Variants in ZBTB16 observed in about 807,000 individuals in gnomAD.
The protein encoded by ZBTB16 is zinc finger and BTB domain-containing protein 16.
Under a neutral mutation model 56.8 loss-of-function variants are expected in ZBTB16, and 8 were observed. The ratio of observed to expected loss-of-function variants is 0.14; its 90% CI spans 0.08 to 0.25. ZBTB16 has a LOEUF of 0.25. ZBTB16 is among the 10% of genes least tolerant of loss of function. The pLI is 1.00. For synonymous variants in ZBTB16, 363 were observed against 368.5 expected (o/e 0.98, Z 0.17); for missense variants, 625 against 903.0 (o/e 0.69, Z 3.95).
At chr11:114,229,023 G>A (rs964361822) in intron 4 of ZBTB16, among the ~76,000 whole-genome samples, 11 of 152,196 alleles carry the variant, frequency 7.2e-5, no homozygotes, top group Non-Finnish European at 1.5e-5. Flanking sequence ...TGAGTAAGGA[G>A]TCTTTCAGTA....
intron 2 of ZBTB16, among the ~76,000 whole-genome samples, chr11:114,086,688 T>C (rs1939967474): frequency 6.6e-6 from 1 of 152,174 alleles, no homozygotes; most frequent in South Asian, 2.1e-4. Flanking sequence ...AGGTGAATCC[T>C]ATTAAAAGGA....
intron 2 of ZBTB16, among the ~76,000 whole-genome samples, chr11:114,066,766 A>G (rs1010423612): frequency 8.9e-6 from 1 of 111,830 alleles, no homozygotes; most frequent in East Asian, 2.8e-4. Flanking sequence ...TTCACTCACT[A>G]CATTTTTTTT....
At chr11:114,107,427 T>C (rs951818342) in intron 2 of ZBTB16, among the ~76,000 whole-genome samples, 5 of 152,202 alleles carry the variant, frequency 3.3e-5, no homozygotes, top group African/African-American at 1.2e-4. Context: ...AGTGATGAAA[T>C]GCTTGGTTGT....
chr11:114,170,006 C>T (rs1942912191), intron 3 of ZBTB16, among the ~76,000 whole-genome samples: 2 of 152,196 alleles, frequency 1.3e-5, no homozygotes, highest in South Asian at 4.1e-4. Flanking sequence ...GTTTCTTGCA[C>T]TTGGGAGTCC....
rs563400839 is a variant in ZBTB16 at position 114,175,977 on chromosome 11, G to C, written c.1367-10975G>C. 7.0e-3 allele frequency among the ~76,000 whole-genome samples: 918 copies of C among 131,010 alleles called. 11 individuals carry two copies. The highest frequency in any genetic ancestry group is 0.027 in the African/African-American group (869 of 32,440). The allele number at this position is 131,010 out of a possible 152,430, so 85.9% of individuals were successfully genotyped here. Reference sequence around the variant, plus strand: ...ATTGTGAATCCTACTCAGGGGAGAGGGGTGTGTGTGTGTGTGTGTGTGTGC... The same window carrying C: ...ATTGTGAATCCTACTCAGGGGAGAGCGGTGTGTGTGTGTGTGTGTGTGTGC... On this transcript the variant is annotated intron_variant, in intron 3 of 6. Coordinates refer to ENST00000335953, the MANE Select transcript of ZBTB16 (RefSeq NM_006006.6).
chr11:114,242,517 C>T (rs553026915), intron 5 of ZBTB16, among the ~76,000 whole-genome samples, 180 bp downstream of exon 5: 2 of 152,210 alleles, frequency 1.3e-5, no homozygotes, highest in African/African-American at 4.8e-5. Flanking sequence ...CCAGTCCCCT[C>T]CTGTGGACCG....
At chr11:114,172,423 T>C (rs1308733647) in intron 3 of ZBTB16, among the ~76,000 whole-genome samples, 1 of 152,150 alleles carries the variant, frequency 6.6e-6, no homozygotes, top group Non-Finnish European at 1.5e-5. Flanking sequence ...ACAAGACCCA[T>C]TTCAAGTTGG....
At chr11:114,216,023 G>T (rs950854754) in intron 4 of ZBTB16, among the ~76,000 whole-genome samples, 1 of 152,148 alleles carries the variant, frequency 6.6e-6, no homozygotes, top group Non-Finnish European at 1.5e-5. Flanking sequence ...GATGAAGGAA[G>T]GCCAAGATAA....
At chr11:114,120,922 TA>T (rs539848321) in intron 2 of ZBTB16, among the ~76,000 whole-genome samples, 2 of 152,164 alleles carry the variant, frequency 1.3e-5, no homozygotes, top group Non-Finnish European at 2.9e-5. Flanking sequence ...TGGGAAGCCA[TA>T]CAGCCTTGGC....
intron 4 of ZBTB16, 151 bp from the exon 5 acceptor site, chr11:114,242,016 A>G (rs901261937): frequency 4.0e-6 from 4 of 1,011,310 alleles, no homozygotes; most frequent in South Asian, 2.8e-5. Flanking sequence ...CTGGGTGCTC[A>G]GTGTTGCATA....
chr11:114,191,778 G>A (rs746591245), intron 4 of ZBTB16, among the ~76,000 whole-genome samples: 14 of 152,202 alleles, frequency 9.2e-5, no homozygotes, highest in African/African-American at 1.7e-4. Flanking sequence ...ATGCATGCAC[G>A]CACATATACA....
chr11:114,233,081 G>GCGCGCA (rs1250341636), intron 4 of ZBTB16, among the ~76,000 whole-genome samples: 46 of 87,556 alleles, frequency 5.3e-4, no homozygotes, highest in African/African-American at 1.6e-3. Context: ...GCGCGCGCGC[G>GCGCGCA]CACACACACA....
At chr11:114,249,457 CAAAAAAAAA>C (rs57092004) in intron 6 of ZBTB16, among the ~76,000 whole-genome samples, 7 of 24,198 alleles carry the variant, frequency 2.9e-4, no homozygotes, top group Admixed American at 7.4e-4. Flanking sequence ...GACTCCATCT[CAAAAAAAAA>C]AAAAAAAAAA....
chr11:114,141,285 A>C (rs1319290581), intron 2 of ZBTB16, among the ~76,000 whole-genome samples: 1 of 152,212 alleles, frequency 6.6e-6, no homozygotes, highest in Non-Finnish European at 1.5e-5. Context: ...AGAGCCCCCG[A>C]AAGGACCAAC....
intron 2 of ZBTB16, among the ~76,000 whole-genome samples, chr11:114,106,099 GACT>G (rs1591671205): frequency 1.3e-5 from 2 of 152,102 alleles, no homozygotes; most frequent in Non-Finnish European, 2.9e-5. Flanking sequence ...CACCCCTCCA[GACT>G]GTATTAACCT....
At chr11:114,169,686 A>G (rs1353726878) in intron 3 of ZBTB16, among the ~76,000 whole-genome samples, 2 of 152,190 alleles carry the variant, frequency 1.3e-5, no homozygotes, top group African/African-American at 2.4e-5. Flanking sequence ...CCCTGGCAAG[A>G]GAAGGCGTTG....
intron 2 of ZBTB16, among the ~76,000 whole-genome samples, chr11:114,145,066 T>A (rs1316048279): frequency 6.6e-6 from 1 of 152,262 alleles, no homozygotes; most frequent in Non-Finnish European, 1.5e-5. Context: ...GCATGTCATG[T>A]CTGCAGATGA....
At chr11:114,135,913 T>A (rs1011450717) in intron 2 of ZBTB16, among the ~76,000 whole-genome samples, 1 of 152,220 alleles carries the variant, frequency 6.6e-6, no homozygotes, top group Non-Finnish European at 1.5e-5. Context: ...CAGCCTAGCT[T>A]CTATTCAGCT....
At chr11:114,104,494 C>T (rs1347541805) in intron 2 of ZBTB16, among the ~76,000 whole-genome samples, 1 of 152,172 alleles carries the variant, frequency 6.6e-6, no homozygotes, top group Non-Finnish European at 1.5e-5. Flanking sequence ...AAGGGAAGTA[C>T]CCCCAAGCAG....
Sources: allele counts gnomAD v4.1 joint callset (sites outside exome capture counted in the v4.1 genomes callset), GRCh38; gene constraint gnomAD v4.1.1; transcripts MANE v1.5; gene names NCBI Gene and HGNC (gene_info 2026-07-23, HGNC 2026-07-21).